AUTS2: variants seen among roughly 807,000 people sequenced by gnomAD.
The protein encoded by AUTS2 is autism susceptibility gene 2 protein.
AUTS2 carries 17 observed loss-of-function variants against 112.4 expected under a neutral mutation model. That is an observed-to-expected ratio of 0.15 (90% confidence interval 0.10 to 0.23). The LOEUF (loss-of-function observed/expected upper bound fraction) is 0.23. Among genes scored for constraint, AUTS2 ranks in the 10% least tolerant of loss-of-function variants. The pLI is 1.00. For missense variants in AUTS2, 1,510 were observed against 1,701.6 expected, an observed-to-expected ratio of 0.89 and a Z score of 1.98; for synonymous variants, 751 against 702.7, an observed-to-expected ratio of 1.07 and a Z score of -1.09.
At chr7:70,636,580 G>A (rs894766268) in intron 5 of AUTS2, among the ~76,000 whole-genome samples, 2 of 152,080 alleles carry the variant, frequency 1.3e-5, no homozygotes, top group African/African-American at 4.8e-5. Flanking sequence ...TTTATAAAGT[G>A]GGAATAATCA....
chr7:69,614,522 AT>A (rs1013241848), intron 1 of AUTS2, among the ~76,000 whole-genome samples: 1 of 149,820 alleles, frequency 6.7e-6, no homozygotes, highest in East Asian at 2.0e-4. Flanking sequence ...TAATTTTTTA[AT>A]TTTTTTTTGT....
chr7:69,927,675 G>T (rs1428977587), intron 2 of AUTS2, among the ~76,000 whole-genome samples: 2 of 152,196 alleles, frequency 1.3e-5, no homozygotes, highest in Admixed American at 1.3e-4. Context: ...GCAAGTGAGC[G>T]CAGGGTCTGG....
At chr7:69,865,807 T>A (rs542644265) in intron 1 of AUTS2, among the ~76,000 whole-genome samples, 3 of 152,310 alleles carry the variant, frequency 2.0e-5, no homozygotes, top group Non-Finnish European at 2.9e-5. Context: ...TTATTTCCTG[T>A]CCAAATTTTT....
intron 6 of AUTS2, among the ~76,000 whole-genome samples, chr7:70,749,919 A>T (rs1376427218): frequency 6.6e-6 from 1 of 152,252 alleles, no homozygotes; most frequent in Non-Finnish European, 1.5e-5. Context: ...AAAGGAATAG[A>T]AGAGCTTCCA....
chr7:70,479,277 T>G (rs1797699166), intron 5 of AUTS2, among the ~76,000 whole-genome samples: 1 of 152,214 alleles, frequency 6.6e-6, no homozygotes, highest in South Asian at 2.1e-4. Context: ...GAGGGTTTTA[T>G]GAGTTACTGT....
At chr7:69,639,444 A>T (rs1794703403) in intron 1 of AUTS2, among the ~76,000 whole-genome samples, 1 of 152,192 alleles carries the variant, frequency 6.6e-6, no homozygotes, top group Non-Finnish European at 1.5e-5. Flanking sequence ...CATCTACTCC[A>T]ATCTTTTATT....
rs543681601 is a variant in AUTS2 at position 69,880,967 on chromosome 7, A to G, written c.310-18319A>G. On this transcript the variant is annotated intron_variant, in intron 1 of 18. Transcript: ENST00000342771. ...CAGCAGCTGTTTCCCTCAGATGCCTACCACACGAGGTTGGATTATAAAGAC... is the reference window on the plus strand; with the variant it reads ...CAGCAGCTGTTTCCCTCAGATGCCTGCCACACGAGGTTGGATTATAAAGAC... Among the ~76,000 whole-genome samples the G allele has an allele frequency of 3.3e-5, 5 of 152,294 alleles. No homozygotes were observed. The East Asian group carries it at 9.6e-4, about 29-fold the overall frequency.
At chr7:69,995,003 A>G (rs1250841766) in intron 2 of AUTS2, among the ~76,000 whole-genome samples, 1 of 152,154 alleles carries the variant, frequency 6.6e-6, no homozygotes, top group African/African-American at 2.4e-5. Context: ...GGGGCTTCCA[A>G]ATGACAATGG....
At chr7:70,374,671 A>G (rs1793003484) in intron 4 of AUTS2, among the ~76,000 whole-genome samples, 1 of 152,236 alleles carries the variant, frequency 6.6e-6, no homozygotes, top group Non-Finnish European at 1.5e-5. Context: ...CCTTCTAAAA[A>G]GTATATTCAC....
chr7:70,010,893 A>C (rs1484125706), intron 2 of AUTS2, among the ~76,000 whole-genome samples: 1 of 152,140 alleles, frequency 6.6e-6, no homozygotes, highest in Non-Finnish European at 1.5e-5. Flanking sequence ...TGGAAGGAAA[A>C]GCTTGTAAGG....
chr7:69,691,299 A>G (rs1797332490), intron 1 of AUTS2, among the ~76,000 whole-genome samples: 1 of 151,792 alleles, frequency 6.6e-6, no homozygotes, highest in East Asian at 2.0e-4. Flanking sequence ...TTCACAGGGG[A>G]CCTACCCCTT....
chr7:70,113,266 G>A (rs1805178852), intron 2 of AUTS2, among the ~76,000 whole-genome samples: 1 of 151,954 alleles, frequency 6.6e-6, no homozygotes, highest in East Asian at 1.9e-4. Flanking sequence ...TTTTGTGTTT[G>A]CTTATTTCGA....
At chr7:70,058,205 T>C (rs1802078419) in intron 2 of AUTS2, among the ~76,000 whole-genome samples, 1 of 152,326 alleles carries the variant, frequency 6.6e-6, no homozygotes, top group East Asian at 1.9e-4. Flanking sequence ...AAGTATATTC[T>C]AAAAACCCAG....
At chr7:69,989,390 G>A (rs1048670454) in intron 2 of AUTS2, among the ~76,000 whole-genome samples, 6 of 152,172 alleles carry the variant, frequency 3.9e-5, no homozygotes, top group African/African-American at 1.4e-4. Flanking sequence ...TCTAGATTAG[G>A]TAGAAAGTTG....
intron 1 of AUTS2, among the ~76,000 whole-genome samples, chr7:69,649,934 A>AT (rs1037333841): frequency 1.3e-5 from 2 of 152,116 alleles, no homozygotes; most frequent in African/African-American, 4.8e-5. Context: ...CCATGAAGTC[A>AT]TTTTTTTCCT....
At chr7:70,174,587 G>A (rs1808885042) in intron 4 of AUTS2, among the ~76,000 whole-genome samples, 1 of 152,186 alleles carries the variant, frequency 6.6e-6, no homozygotes, top group African/African-American at 2.4e-5. Context: ...CAAAGGACAG[G>A]CTGACTCTTC....
At chr7:70,184,813 GTTCT>G (rs1809513241) in intron 4 of AUTS2, among the ~76,000 whole-genome samples, 1 of 152,056 alleles carries the variant, frequency 6.6e-6, no homozygotes, top group African/African-American at 2.4e-5. Flanking sequence ...CCCTGGGAAG[GTTCT>G]TTATTTATAA....
intron 4 of AUTS2, among the ~76,000 whole-genome samples, chr7:70,429,377 T>C (rs1197195527): frequency 2.0e-5 from 3 of 152,234 alleles, no homozygotes; most frequent in East Asian, 1.9e-4. Flanking sequence ...GGGATGGAGA[T>C]AGAAGCAATT....
chr7:70,363,700 T>G (rs973128339), intron 4 of AUTS2, among the ~76,000 whole-genome samples: 2 of 152,196 alleles, frequency 1.3e-5, no homozygotes, highest in African/African-American at 2.4e-5. Context: ...TTGCTACCCA[T>G]GTACTCCATA....
Sources: allele counts gnomAD v4.1 joint callset (sites outside exome capture counted in the v4.1 genomes callset), GRCh38; gene constraint gnomAD v4.1.1; transcripts MANE v1.5; gene names NCBI Gene and HGNC (gene_info 2026-07-23, HGNC 2026-07-21).